Variants in SORL1 observed in about 807,000 individuals in gnomAD.
The protein encoded by SORL1 is sortilin-related receptor.
SORL1 carries 127 observed loss-of-function variants against 273.7 expected under a neutral mutation model. The observed-to-expected ratio is 0.46, with a 90% CI of 0.40 to 0.54. The LOEUF (loss-of-function observed/expected upper bound fraction) is 0.54. SORL1 is among the 20% of genes least tolerant of loss of function. The pLI, the probability that SORL1 is intolerant of heterozygous loss-of-function variation, is 0.00. For synonymous variants in SORL1, 1,031 were observed against 1,067.4 expected (o/e 0.97, Z 0.66); for missense variants, 2,494 against 2,846.1 (o/e 0.88, Z 2.81).
At chr11:121,499,828 G>A (rs1048195596) in intron 6 of SORL1, among the ~76,000 whole-genome samples, 4 of 152,128 alleles carry the variant, frequency 2.6e-5, no homozygotes, top group African/African-American at 9.7e-5. Context: ...AATCAAATTG[G>A]GAAAATCAAA....
At position 121,559,584 on chromosome 11, in the gene SORL1, C is replaced by G. The variant is rs751525790; in HGVS notation, c.2976C>G (p.Ser992=). 2 of 1,614,126 alleles carry G rather than the reference C, an allele frequency of 1.2e-6. No homozygotes were observed. Among genetic ancestry groups the G allele is most frequent in the South Asian group, 1.1e-5 (1 of 91,078 alleles). The change falls in exon 21 of 48, where the codon TCC becomes TCG. Residue 992 remains serine (S), a synonymous_variant. Coordinates refer to ENST00000260197, the MANE Select transcript of SORL1 (RefSeq NM_003105.6). Reference sequence around the variant, plus strand: ...TCCGAGCTTCCAAATACAGTGGGTCCCAGATGGAGATTCTGGCAAACCAGC... The same window carrying G: ...TCCGAGCTTCCAAATACAGTGGGTCGCAGATGGAGATTCTGGCAAACCAGC... ...SIFRASKYSG[S]QMEILANQLT... is the part of the protein sequence containing the mutation.
chr11:121,453,296 T>C lies in SORL1; in HGVS notation c.285+680T>C, dbSNP rs1427754901. On this transcript the variant is annotated intron_variant, in intron 1 of 47. Coordinates refer to ENST00000260197, the MANE Select transcript of SORL1 (RefSeq NM_003105.6). ...GGAGATTTGAAAGGACTGCAGGAAA[T>C]TTGGTGGGCATTATTATTCTATAAG... is the stretch of plus-strand genomic sequence containing the variant. 2.0e-5 allele frequency among the ~76,000 whole-genome samples: 3 copies of C among 152,064 alleles called. No individual in the cohort carries two copies. In the East Asian group the frequency reaches 5.8e-4, roughly 29 times the overall value.
At chr11:121,587,878 C>A in intron 27 of SORL1, 142 bp from the exon 28 acceptor site, 1 of 884,020 alleles carries the variant, frequency 1.1e-6, no homozygotes, top group Non-Finnish European at 1.7e-6. Context: ...CTAGGCTTGG[C>A]AGAAAACAAG....
intron 11 of SORL1, among the ~76,000 whole-genome samples, chr11:121,527,197 A>AT (rs34984204): frequency 0.86 from 128,007 of 148,442 alleles, 55,542 homozygotes; most frequent in Non-Finnish European, 0.92. Context: ...GTTGTTGAGT[A>AT]TTTTTTTTTT....
chr11:121,627,913 G>A lies in SORL1; in HGVS notation c.6577+146G>A, dbSNP rs754886675. 1.6e-5 allele frequency: 10 copies of A among 615,476 alleles called. No individual in the cohort carries two copies. The highest frequency in any genetic ancestry group is 2.8e-5 in the Non-Finnish European group (10 of 350,934). 38.1% of individuals were successfully genotyped at this position (615,476 alleles called of 1,614,324 possible). On this transcript the variant is annotated intron_variant, in intron 47 of 47. Transcript: ENST00000260197. The surrounding 1 kb of genome is among the most constrained non-coding windows in gnomAD (Gnocchi z 4.9). ...CCAGCGATTTGATTCCATGAGTTTT[G>A]GTTAAACCATTCAGAGCCCTCACTT...
intron 40 of SORL1, among the ~76,000 whole-genome samples, chr11:121,614,024 G>T (rs1044396118): frequency 3.9e-5 from 6 of 152,152 alleles, no homozygotes; most frequent in Non-Finnish European, 7.3e-5. Flanking sequence ...CTTTACCCAA[G>T]GTTATACAAC....
At chr11:121,552,015 C>T (rs1271900180) in intron 16 of SORL1, among the ~76,000 whole-genome samples, 2 of 152,078 alleles carry the variant, frequency 1.3e-5, no homozygotes, top group Non-Finnish European at 2.9e-5. Flanking sequence ...AGGGACAAAA[C>T]AGTTTGTTTA....
intron 8 of SORL1, 100 bp from the exon 9 acceptor site, chr11:121,520,557 G>A: frequency 1.3e-6 from 1 of 757,452 alleles, no homozygotes; most frequent in Non-Finnish European, 2.1e-6. Context: ...TGTGCTTAAT[G>A]CCACAAAATT....
chr11:121,467,331 TGAG>T (rs1861099288), intron 1 of SORL1, among the ~76,000 whole-genome samples: 1 of 152,220 alleles, frequency 6.6e-6, no homozygotes, highest in African/African-American at 2.4e-5. Flanking sequence ...TTGGGATTGG[TGAG>T]GAGGTCTCCT....
At position 121,554,949 on chromosome 11, in the gene SORL1, CAG is replaced by C. The variant is rs1862555301; in HGVS notation, c.2440-235_2440-234del. ...GTAACCAGTGTTCATAATGATAATG[CAG>C]AGTAATATATATGATTAAATTCTCT... On this transcript the variant is annotated intron_variant, in intron 17 of 47. Coordinates refer to ENST00000260197, the MANE Select transcript of SORL1 (RefSeq NM_003105.6). The surrounding 1 kb of genome is among the most constrained non-coding windows in gnomAD (Gnocchi z 4.6). 1 of 273,976 alleles carries C rather than the reference CAG, an allele frequency of 3.6e-6. No individual in the cohort carries two copies. The highest frequency in any genetic ancestry group is 7.9e-5 in the South Asian group (1 of 12,738). The allele number at this position is 273,976 out of a possible 1,614,324, so 17.0% of individuals were successfully genotyped here. A position where few individuals can be genotyped will look rare whatever the true frequency, so the allele number is the denominator to read the frequency against.
chr11:121,611,120 T>C lies in SORL1; in HGVS notation c.5284T>C (p.Tyr1762His), dbSNP rs747290711. Residue 1762 changes from tyrosine to histidine, a missense_variant, in exon 39 of 48, where the codon TAT becomes CAT. By Grantham distance (83) the Tyr-to-His change is moderately conservative. Coordinates refer to ENST00000260197, the MANE Select transcript of SORL1 (RefSeq NM_003105.6). ...CCACATTGACAGCTATGGTGAAAAT[T>C]ATCTAAGCTTCACCCTGACCATGGA... ...DIHIDSYGENYLSFTLTMESD... is the reference protein window; with the variant it reads ...DIHIDSYGENHLSFTLTMESD... 6 of 1,613,594 alleles carry C rather than the reference T, an allele frequency of 3.7e-6. No homozygotes were observed. In the East Asian group the frequency reaches 1.3e-4, roughly 36 times the overall value.
intron 21 of SORL1, 74 bp from the exon 22 acceptor site, chr11:121,566,866 G>C (rs758304656): frequency 2.8e-5 from 39 of 1,394,242 alleles, no homozygotes; most frequent in Non-Finnish European, 2.0e-5. Context: ...GGTTGCAGTG[G>C]GTCTCCTTCT....
In SORL1 at chr11:121,586,345, G is replaced by GC; in HGVS notation, c.3814+21dup. The stretch of plus-strand genomic sequence containing the variant: ...CAGCACTGCGGTGAGTTCATTCCTT[G>GC]CCCCCAGGAAGCACTCAGGCCTAGT... On this transcript the variant is annotated intron_variant, in intron 27 of 47. Coordinates refer to ENST00000260197, the MANE Select transcript of SORL1 (RefSeq NM_003105.6). The GC allele has an allele frequency of 6.3e-7, 1 of 1,595,168 alleles. No individual in the cohort carries two copies. The highest frequency in any genetic ancestry group is 1.3e-5 in the African/African-American group (1 of 74,630).
At chr11:121,583,802 C>T (rs993158418) in intron 26 of SORL1, among the ~76,000 whole-genome samples, 3 of 152,212 alleles carry the variant, frequency 2.0e-5, no homozygotes, top group Non-Finnish European at 4.4e-5. Flanking sequence ...GTTTGCCCCA[C>T]ACACAAACTA....
At chr11:121,606,150 T>C (rs1279811695) in intron 35 of SORL1, among the ~76,000 whole-genome samples, 1 of 152,222 alleles carries the variant, frequency 6.6e-6, no homozygotes, top group East Asian at 1.9e-4. Flanking sequence ...CTTGAGCTAC[T>C]GAGCTCAAGC....
intron 1 of SORL1, among the ~76,000 whole-genome samples, chr11:121,457,646 A>C (rs766252744): frequency 1.3e-5 from 2 of 152,218 alleles, no homozygotes; most frequent in Non-Finnish European, 2.9e-5. Flanking sequence ...CCAGGTGAGA[A>C]AAACCTCATT....
At chr11:121,527,215 A>G (rs1862136734) in intron 11 of SORL1, among the ~76,000 whole-genome samples, 1 of 151,808 alleles carries the variant, frequency 6.6e-6, no homozygotes, top group Non-Finnish European at 1.5e-5. Context: ...TTTTATCATA[A>G]TCAGATACTG....
chr11:121,556,606 T>C (rs572088159), intron 18 of SORL1, among the ~76,000 whole-genome samples: 2 of 152,310 alleles, frequency 1.3e-5, no homozygotes, highest in Non-Finnish European at 2.9e-5. Flanking sequence ...GGGCGACCAC[T>C]GCACAACTCA....
At chr11:121,465,802 C>T (rs1462659432) in intron 1 of SORL1, among the ~76,000 whole-genome samples, 1 of 152,198 alleles carries the variant, frequency 6.6e-6, no homozygotes, top group Non-Finnish European at 1.5e-5. Flanking sequence ...GCTGGGATTA[C>T]AGGCATGAAC....
Sources: gnomAD v4.1 joint callset for allele counts (sites outside exome capture counted in the v4.1 genomes callset) on GRCh38, gnomAD v4.1.1 for gene constraint, Gnocchi (gnomAD v3.1) non-coding constraint, MANE v1.5 for transcripts, NCBI Gene and HGNC (gene_info 2026-07-23, HGNC 2026-07-21) for gene names.